KAZN: variants seen among roughly 807,000 people sequenced by gnomAD.
The protein encoded by KAZN is kazrin.
In KAZN, 40 loss-of-function variants were observed where a neutral mutation model predicts 87.4. That is an observed-to-expected ratio of 0.46 (90% CI 0.36 to 0.60). The LOEUF (loss-of-function observed/expected upper bound fraction) is 0.60, where lower values mean the gene tolerates loss of function less well. Among genes scored for constraint, KAZN ranks in the 20% least tolerant of loss-of-function variants. The pLI, the probability that KAZN is intolerant of heterozygous loss-of-function variation, is 0.00. For synonymous variants in KAZN, 466 were observed against 458.3 expected, an observed-to-expected ratio of 1.02 and a Z score of -0.22; for missense variants, 898 against 1,073.9, an observed-to-expected ratio of 0.84 and a Z score of 2.29.
chr1:14,037,953 G>C (rs542567441), intron 1 of KAZN, among the ~76,000 whole-genome samples: 9 of 152,276 alleles, frequency 5.9e-5, no homozygotes, highest in Non-Finnish European at 7.3e-5. Flanking sequence ...TGGGTTTTAG[G>C]GGGTGAGAGG....
chr1:13,912,004 T>C (rs12026133), intron 1 of KAZN, among the ~76,000 whole-genome samples: 4,009 of 152,312 alleles, frequency 0.026, 156 homozygotes, highest in East Asian at 0.15. Context: ...TTTAAATCTC[T>C]CTGAACCACG....
chr1:14,202,078 G>A (rs1001633654), intron 2 of KAZN, among the ~76,000 whole-genome samples: 1 of 152,134 alleles, frequency 6.6e-6, no homozygotes, highest in Non-Finnish European at 1.5e-5. Flanking sequence ...AACCCAATGA[G>A]GTAAGTATCA....
intron 2 of KAZN, among the ~76,000 whole-genome samples, chr1:14,280,324 T>G (rs2100712574): frequency 8.1e-6 from 1 of 123,458 alleles, no homozygotes; most frequent in East Asian, 2.4e-4. Context: ...TGAGCCAAGA[T>G]CGCGCCACTG....
At chr1:14,738,753 T>TA (rs1258930025) in intron 1 of KAZN, among the ~76,000 whole-genome samples, 1 of 151,988 alleles carries the variant, frequency 6.6e-6, no homozygotes. Flanking sequence ...TTTTTTTCGT[T>TA]AAAAAAATCC....
chr1:15,089,117 T>C (rs1003312455), intron 8 of KAZN, among the ~76,000 whole-genome samples: 1 of 152,066 alleles, frequency 6.6e-6, no homozygotes, highest in Non-Finnish European at 1.5e-5. Context: ...TACTTTCGCA[T>C]CTTTATTGCA....
intron 2 of KAZN, among the ~76,000 whole-genome samples, chr1:15,006,105 C>A (rs1296789847): frequency 2.6e-5 from 4 of 152,200 alleles, no homozygotes; most frequent in African/African-American, 9.6e-5. Flanking sequence ...GGGTATTCTG[C>A]CAAACCCACT....
chr1:14,744,090 G>A (rs1233777039), intron 1 of KAZN, among the ~76,000 whole-genome samples: 4 of 152,138 alleles, frequency 2.6e-5, no homozygotes, highest in Non-Finnish European at 4.4e-5. Flanking sequence ...GAGGGGAGAC[G>A]GTCAAGGCTG....
intron 2 of KAZN, among the ~76,000 whole-genome samples, chr1:14,222,708 A>G (rs1179216577): frequency 6.6e-6 from 1 of 152,232 alleles, no homozygotes; most frequent in Non-Finnish European, 1.5e-5. Flanking sequence ...GATTCAGCAC[A>G]GATCTCCCAA....
intron 1 of KAZN, among the ~76,000 whole-genome samples, chr1:14,617,116 A>G (rs1372918348): frequency 2.0e-5 from 3 of 152,162 alleles, no homozygotes; most frequent in African/African-American, 7.2e-5. Context: ...CAGCCCCACC[A>G]CATCCTAGCA....
At chr1:14,589,145 C>G (rs1676035607) in intron 2 of KAZN, among the ~76,000 whole-genome samples, 1 of 152,120 alleles carries the variant, frequency 6.6e-6, no homozygotes, top group Non-Finnish European at 1.5e-5. Context: ...CTGGGTGAAG[C>G]TGTCAGAGTA....
Position 14,509,810 on chromosome 1 carries a change from A to G in KAZN, c.250-89173A>G, listed in dbSNP as rs540502528. 2.0e-5 allele frequency among the ~76,000 whole-genome samples: 3 copies of G among 152,314 alleles called. No homozygotes were observed. The East Asian group carries it at 5.8e-4, about 29-fold the overall frequency. ...AGAGTGATGCGGTATAGAGGTCTGA[A>G]GGATGGAGAAAGGGCCCTTTTTGGA... On this transcript the variant is annotated intron_variant, in intron 2 of 16. Coordinates refer to the KAZN transcript ENST00000636203.
chr1:15,027,239 C>G (rs1262666910), intron 2 of KAZN, among the ~76,000 whole-genome samples: 2 of 152,004 alleles, frequency 1.3e-5, no homozygotes, highest in African/African-American at 4.8e-5. Context: ...CCGCACCACT[C>G]CCGGCTAATT....
chr1:14,110,510 C>A (rs924438216), intron 1 of KAZN, among the ~76,000 whole-genome samples: 1 of 152,230 alleles, frequency 6.6e-6, no homozygotes, highest in Non-Finnish European at 1.5e-5. Context: ...GGTTTAGGCA[C>A]TCTTATTATC....
intron 1 of KAZN, among the ~76,000 whole-genome samples, chr1:14,959,875 C>T (rs970345938): frequency 2.0e-5 from 3 of 152,096 alleles, no homozygotes; most frequent in East Asian, 1.9e-4. Flanking sequence ...GGGAGGATGG[C>T]GCACCTTCTG....
intron 1 of KAZN, among the ~76,000 whole-genome samples, chr1:14,855,011 G>T (rs574085288): frequency 6.6e-6 from 1 of 152,218 alleles, no homozygotes; most frequent in African/African-American, 2.4e-5. Flanking sequence ...GGGCTGGAAG[G>T]ACACACAGGT....
chr1:14,400,583 G>T (rs538956497), intron 2 of KAZN, among the ~76,000 whole-genome samples: 1 of 152,190 alleles, frequency 6.6e-6, no homozygotes, highest in Admixed American at 6.5e-5. Flanking sequence ...ATGGGTTACT[G>T]TCTCCAGGCT....
At chr1:14,974,812 A>G (rs1430462121) in intron 2 of KAZN, among the ~76,000 whole-genome samples, 1 of 152,238 alleles carries the variant, frequency 6.6e-6, no homozygotes, top group East Asian at 1.9e-4. Flanking sequence ...TGCAGAGGGT[A>G]GGCAGAAACT....
intron 2 of KAZN, among the ~76,000 whole-genome samples, chr1:14,361,452 A>T (rs35138169): frequency 0.064 from 9,812 of 152,216 alleles, 359 homozygotes; most frequent in South Asian, 0.089. Context: ...CTTCCAGAGG[A>T]GTGAACAGTT....
intron 2 of KAZN, among the ~76,000 whole-genome samples, chr1:14,205,888 A>AAAAAAAAAAAAAAAAG (rs1646731441): frequency 1.7e-5 from 1 of 58,918 alleles, no homozygotes; most frequent in Non-Finnish European, 3.0e-5. Flanking sequence ...CTGTCTCAAA[A>AAAAAAAAAAAAAAAAG]AAAAAAAAAA....
Sources: gnomAD v4.1 joint callset for allele counts (sites outside exome capture counted in the v4.1 genomes callset) on GRCh38, gnomAD v4.1.1 for gene constraint, MANE v1.5 for transcripts, NCBI Gene and HGNC (gene_info 2026-07-23, HGNC 2026-07-21) for gene names.